MEGF9: variants seen among roughly 807,000 people sequenced by gnomAD.
MEGF9 encodes the protein multiple EGF like domains 9.
A neutral mutation model predicts 46.8 loss-of-function variants in MEGF9; 6 were observed. The ratio of observed to expected loss-of-function variants is 0.13; its 90% CI spans 0.07 to 0.25. MEGF9 has a LOEUF of 0.25. MEGF9 is among the 10% of genes least tolerant of loss of function. The pLI, the probability that MEGF9 is intolerant of heterozygous loss-of-function variation, is 1.00. For synonymous variants in MEGF9, 302 were observed against 330.7 expected, an observed-to-expected ratio of 0.91 and a Z score of 0.94; for missense variants, 683 against 792.4, an observed-to-expected ratio of 0.86 and a Z score of 1.66.
intron 2 of MEGF9, among the ~76,000 whole-genome samples, chr9:120,648,872 C>T (rs1049586228): frequency 6.6e-6 from 1 of 152,150 alleles, no homozygotes; most frequent in East Asian, 1.9e-4. Flanking sequence ...TTTATTTTGG[C>T]ATCAGTTTAC....
Position 120,659,504 on chromosome 9 carries a change from C to T in MEGF9, c.673G>A (p.Glu225Lys). 6.2e-7 allele frequency: 1 copy of T among 1,613,838 alleles called. No individual in the cohort carries two copies. Among genetic ancestry groups the T allele is most frequent in the Non-Finnish European group, 8.5e-7 (1 of 1,179,840 alleles). Reference protein sequence around the residue: ...NRCNQTTGQCECRPGYQGLHC... With the variant: ...NRCNQTTGQCKCRPGYQGLHC... The stretch of plus-strand genomic sequence containing the variant: ...AGCCCCTGATAACCTGGCCGACACT[C>T]ACACTGCCCTGTGGTCTGGTTGCAG... Residue 225 changes from glutamate to lysine, a missense_variant, in exon 2 of 6, where the codon GAG becomes AAG. Transcript: ENST00000373930.
intron 2 of MEGF9, among the ~76,000 whole-genome samples, chr9:120,646,145 A>T (rs1490512319): frequency 1.3e-5 from 2 of 152,022 alleles, no homozygotes; most frequent in Non-Finnish European, 2.9e-5. Context: ...ATGGCGTATC[A>T]CCCTTCTGAC....
At position 120,622,417 on chromosome 9, in the gene MEGF9, C is replaced by CTTTTTTTTTT. The variant is rs59380409; in HGVS notation, c.943+189_943+198dup. 7.2e-4 allele frequency among the ~76,000 whole-genome samples: 73 copies of CTTTTTTTTTT among 101,164 alleles called. 2 individuals are homozygous for CTTTTTTTTTT. Among genetic ancestry groups the CTTTTTTTTTT allele is most frequent in the African/African-American group, 1.8e-3 (50 of 27,600 alleles). The allele number at this position is 101,164 out of a possible 152,430, so 66.4% of individuals were successfully genotyped here. On this transcript the variant is annotated intron_variant, in intron 3 of 5. Coordinates refer to ENST00000373930, the MANE Select transcript of MEGF9 (RefSeq NM_001080497.3). ...TCTCCTTGCCTCCATAGGTATATGA[C>CTTTTTTTTTT]TTTTTTTTTTTTTTTTTAATTTACG...
At chr9:120,673,969 C>CAAAAA (rs35650740) in intron 1 of MEGF9, among the ~76,000 whole-genome samples, 3 of 101,910 alleles carry the variant, frequency 2.9e-5, no homozygotes, top group African/African-American at 4.0e-5. Flanking sequence ...GACTCCGTCT[C>CAAAAA]AAAAAAAAAA....
chr9:120,686,947 T>TTGTG (rs59677137), intron 1 of MEGF9, among the ~76,000 whole-genome samples: 16 of 150,738 alleles, frequency 1.1e-4, no homozygotes, highest in African/African-American at 3.6e-4. Context: ...ATAAAATAGT[T>TTGTG]TGTGTGTGTG....
chr9:120,635,201 C>T (rs1030771315), intron 2 of MEGF9, among the ~76,000 whole-genome samples: 1 of 152,126 alleles, frequency 6.6e-6, no homozygotes, highest in East Asian at 1.9e-4. Context: ...ATGAAGACTC[C>T]CTTATACATG....
intron 1 of MEGF9, among the ~76,000 whole-genome samples, chr9:120,670,628 T>C (rs746461702): frequency 5.3e-5 from 8 of 152,330 alleles, no homozygotes; most frequent in South Asian, 4.1e-4. Flanking sequence ...CAGCAAATGG[T>C]TGCAACTTCA....
chr9:120,631,780 C>A (rs1028749520), intron 2 of MEGF9, among the ~76,000 whole-genome samples: 7 of 152,028 alleles, frequency 4.6e-5, no homozygotes, highest in African/African-American at 1.7e-4. Context: ...CCACTGTGCC[C>A]GGCCCTGTAT....
At chr9:120,646,292 C>T (rs1205472346) in intron 2 of MEGF9, among the ~76,000 whole-genome samples, 1 of 152,054 alleles carries the variant, frequency 6.6e-6, no homozygotes, top group Non-Finnish European at 1.5e-5. Flanking sequence ...TGCTACAATC[C>T]AGTGTTGATC....
intron 1 of MEGF9, among the ~76,000 whole-genome samples, chr9:120,704,463 G>A (rs1008942755): frequency 6.6e-6 from 1 of 152,114 alleles, no homozygotes; most frequent in African/African-American, 2.4e-5. Context: ...GCCCTGTATA[G>A]TGTCTAGGAA....
At chr9:120,610,440 C>T (rs375834916) in intron 4 of MEGF9, among the ~76,000 whole-genome samples, 9 of 152,280 alleles carry the variant, frequency 5.9e-5, no homozygotes, top group African/African-American at 2.2e-4. Context: ...ACTCCTTCTG[C>T]CTTATACTTT....
intron 1 of MEGF9, among the ~76,000 whole-genome samples, chr9:120,672,320 T>C (rs1397986740): frequency 6.6e-6 from 1 of 152,006 alleles, no homozygotes. Context: ...CCAGGGGTAG[T>C]AGCTCGACAC....
At chr9:120,616,973 T>G (rs1038021489) in intron 3 of MEGF9, among the ~76,000 whole-genome samples, 2 of 152,142 alleles carry the variant, frequency 1.3e-5, no homozygotes, top group East Asian at 1.9e-4. Flanking sequence ...CCTTTAAATC[T>G]AAAATCTAAG....
At chr9:120,711,840 T>TACACACAC (rs146669450) in intron 1 of MEGF9, among the ~76,000 whole-genome samples, 48,470 of 138,428 alleles carry the variant, frequency 0.35, 8,911 homozygotes, top group South Asian at 0.5. Context: ...TATACATACA[T>TACACACAC]ACATACACAC....
At chr9:120,640,112 T>C (rs1022117480) in intron 2 of MEGF9, among the ~76,000 whole-genome samples, 3 of 152,242 alleles carry the variant, frequency 2.0e-5, no homozygotes, top group Admixed American at 1.3e-4. Context: ...TTGGAAAATA[T>C]AGATAAATCA....
intron 1 of MEGF9, among the ~76,000 whole-genome samples, chr9:120,700,529 T>C (rs560415969): frequency 6.6e-6 from 1 of 152,178 alleles, no homozygotes; most frequent in African/African-American, 2.4e-5. Context: ...ACAATAAATA[T>C]AAAATCACAT....
chr9:120,612,397 T>G lies in MEGF9; in HGVS notation c.1086A>C (p.Ile362=). 6.2e-7 allele frequency: 1 copy of G among 1,609,204 alleles called. No individual in the cohort carries two copies. Among genetic ancestry groups the G allele is most frequent in the Non-Finnish European group, 8.5e-7 (1 of 1,178,230 alleles). Residue 362 remains isoleucine, a splice_region_variant and synonymous_variant, in exon 4 of 6, where the codon ATA becomes ATC. Coordinates refer to ENST00000373930, the MANE Select transcript of MEGF9 (RefSeq NM_001080497.3). ...SAVTSTGSCS[I]KSSELEPECD... ...TGAAAAGTTAGAGAAAGGCCTTACT[T>G]ATAGAGCAGCTGCCTGTAGATGTCA...
At chr9:120,626,186 C>T (rs1981020) in intron 2 of MEGF9, among the ~76,000 whole-genome samples, 90,592 of 152,064 alleles carry the variant, frequency 0.6, 29,376 homozygotes, top group South Asian at 0.75. Flanking sequence ...ATAAAATTTG[C>T]TTATCTGGTC....
chr9:120,639,611 C>A (rs1196110544), intron 2 of MEGF9, among the ~76,000 whole-genome samples: 2 of 150,424 alleles, frequency 1.3e-5, no homozygotes, highest in Admixed American at 6.6e-5. Flanking sequence ...ATTACTTAAT[C>A]TCTTTATGCC....
Sources: allele counts gnomAD v4.1 joint callset (sites outside exome capture counted in the v4.1 genomes callset), GRCh38; gene constraint gnomAD v4.1.1; transcripts MANE v1.5; gene names NCBI Gene and HGNC (gene_info 2026-07-23, HGNC 2026-07-21).